Variants in KHDRBS2 observed in about 807,000 individuals in gnomAD.
The protein encoded by KHDRBS2 is KH RNA binding domain containing, signal transduction associated 2.
Under a neutral mutation model 44.3 loss-of-function variants are expected in KHDRBS2, and 26 were observed. The observed-to-expected ratio is 0.59, with a 90% confidence interval of 0.43 to 0.81. KHDRBS2 has a LOEUF of 0.81. Ranked by LOEUF, KHDRBS2 falls within the 40% of genes least tolerant of loss-of-function variation. The pLI, the probability that KHDRBS2 is intolerant of heterozygous loss-of-function variation, is 0.00. For synonymous variants in KHDRBS2, 194 were observed against 151.1 expected (o/e 1.28, Z -2.08); for missense variants, 476 against 433.1 (o/e 1.10, Z -0.88).
chr6:61,581,878 T>C, the KHDRBS2 span, among the ~76,000 whole-genome samples: 4 of 151,118 alleles, frequency 2.6e-5, no homozygotes, highest in African/African-American at 4.8e-5. Context: ...TCTTCAAAAA[T>C]TTACCCTTTA....
At chr6:62,268,427 T>C (rs1839548393) in intron 1 of KHDRBS2, among the ~76,000 whole-genome samples, 1 of 152,074 alleles carries the variant, frequency 6.6e-6, no homozygotes. Flanking sequence ...GAAATTTATG[T>C]CACATTTCAG....
intron 3 of KHDRBS2, among the ~76,000 whole-genome samples, chr6:62,028,045 G>A (rs1379322106): frequency 1.3e-5 from 2 of 151,970 alleles, no homozygotes; most frequent in Non-Finnish European, 2.9e-5. Flanking sequence ...TGAAGTGAGG[G>A]GGGCACTTCT....
At chr6:61,851,691 A>G (rs1795444708) in intron 6 of KHDRBS2, among the ~76,000 whole-genome samples, 1 of 152,206 alleles carries the variant, frequency 6.6e-6, no homozygotes, top group South Asian at 2.1e-4. Flanking sequence ...CACAACTGTA[A>G]GAAAATAAAT....
At chr6:61,968,713 C>T (rs1770665074) in intron 4 of KHDRBS2, among the ~76,000 whole-genome samples, 1 of 151,982 alleles carries the variant, frequency 6.6e-6, no homozygotes, top group Non-Finnish European at 1.5e-5. Context: ...TTCAATACAG[C>T]ATGAGAAAAC....
At chr6:61,778,383 C>T (rs1257742617) in intron 6 of KHDRBS2, among the ~76,000 whole-genome samples, 1 of 151,936 alleles carries the variant, frequency 6.6e-6, no homozygotes, top group Non-Finnish European at 1.5e-5. Flanking sequence ...TATTTTTCAT[C>T]CAAATTACAG....
the KHDRBS2 span, among the ~76,000 whole-genome samples, chr6:61,615,219 C>CCAAAAAAA: frequency 9.9e-5 from 10 of 101,052 alleles, no homozygotes; most frequent in Non-Finnish European, 1.5e-4. Flanking sequence ...GGTGACAGAG[C>CCAAAAAAA]AAGACTCCAT....
At chr6:61,605,881 A>G in the KHDRBS2 span, among the ~76,000 whole-genome samples, 1 of 152,342 alleles carries the variant, frequency 6.6e-6, no homozygotes, top group Non-Finnish European at 1.5e-5. Context: ...CCATGTATAC[A>G]TCCAGATGGC....
At chr6:62,142,732 T>C (rs1334588244) in intron 2 of KHDRBS2, among the ~76,000 whole-genome samples, 4 of 151,928 alleles carry the variant, frequency 2.6e-5, no homozygotes, top group African/African-American at 9.7e-5. Context: ...TGTATACTTT[T>C]TATAAAAAAT....
intron 2 of KHDRBS2, among the ~76,000 whole-genome samples, chr6:62,082,750 G>C (rs913028115): frequency 6.6e-6 from 1 of 152,064 alleles, no homozygotes; most frequent in Non-Finnish European, 1.5e-5. Flanking sequence ...GGACAATAAA[G>C]CTGAAATCTA....
intron 2 of KHDRBS2, among the ~76,000 whole-genome samples, chr6:62,162,743 T>C (rs1280831242): frequency 6.6e-6 from 1 of 152,016 alleles, no homozygotes; most frequent in East Asian, 1.9e-4. Flanking sequence ...CCACAGTCCC[T>C]TCTTAAATTC....
the KHDRBS2 span, among the ~76,000 whole-genome samples, chr6:61,650,155 C>T: frequency 1.3e-5 from 2 of 152,106 alleles, no homozygotes; most frequent in Admixed American, 1.3e-4. Context: ...GGTTCCTTTT[C>T]TTCCTTCAGG....
At chr6:61,773,783 T>G (rs1373823778) in intron 6 of KHDRBS2, among the ~76,000 whole-genome samples, 3 of 151,030 alleles carry the variant, frequency 2.0e-5, no homozygotes, top group Admixed American at 6.6e-5. Context: ...TTAGGTCTAA[T>G]GTTTAAGTCT....
chr6:61,764,441 G>T (rs1482949201), intron 6 of KHDRBS2, among the ~76,000 whole-genome samples: 2 of 151,990 alleles, frequency 1.3e-5, no homozygotes, highest in African/African-American at 2.4e-5. Flanking sequence ...TATTAGGTTG[G>T]TGCAAAATAA....
chr6:62,155,371 A>T (rs570410702), intron 2 of KHDRBS2, among the ~76,000 whole-genome samples: 73 of 152,324 alleles, frequency 4.8e-4, no homozygotes, highest in Non-Finnish European at 9.0e-4. Context: ...TCAGGTGGAG[A>T]TATCAACTAA....
intron 6 of KHDRBS2, among the ~76,000 whole-genome samples, chr6:61,823,201 G>C (rs1273023556): frequency 6.6e-6 from 1 of 151,984 alleles, no homozygotes; most frequent in Admixed American, 6.6e-5. Flanking sequence ...CAAGGAAGGA[G>C]GGTTGGGGAG....
At chr6:62,073,334 A>G (rs1795626327) in intron 2 of KHDRBS2, among the ~76,000 whole-genome samples, 1 of 151,284 alleles carries the variant, frequency 6.6e-6, no homozygotes, top group South Asian at 2.1e-4. Flanking sequence ...ACATTATTTA[A>G]TATGTTGGCA....
At chr6:62,020,309 A>G (rs1187562368) in intron 3 of KHDRBS2, among the ~76,000 whole-genome samples, 1 of 152,070 alleles carries the variant, frequency 6.6e-6, no homozygotes, top group African/African-American at 2.4e-5. Flanking sequence ...GTCAGACAAT[A>G]TCCTTTTAAC....
At chr6:62,105,794 T>C (rs1175499943) in intron 2 of KHDRBS2, among the ~76,000 whole-genome samples, 1 of 152,052 alleles carries the variant, frequency 6.6e-6, no homozygotes, top group Non-Finnish European at 1.5e-5. Context: ...CTGCTCTGAT[T>C]TTAGTTATTT....
intron 6 of KHDRBS2, among the ~76,000 whole-genome samples, chr6:61,837,854 A>G (rs1425176188): frequency 6.6e-6 from 1 of 152,012 alleles, no homozygotes; most frequent in Non-Finnish European, 1.5e-5. Flanking sequence ...CTGGACAACT[A>G]TGAGAGCAAG....
Sources: allele counts gnomAD v4.1 joint callset (sites outside exome capture counted in the v4.1 genomes callset), GRCh38; gene constraint gnomAD v4.1.1; transcripts MANE v1.5; gene names NCBI Gene and HGNC (gene_info 2026-07-23, HGNC 2026-07-21).